The following SEL1L3 variants were observed in gnomAD, a reference collection of about 807,000 sequenced individuals.
SEL1L3 encodes the protein SEL1L family member 3.
In SEL1L3, 76 loss-of-function variants were observed where a neutral mutation model predicts 142.8. The observed-to-expected ratio is 0.53, with a 90% confidence interval of 0.44 to 0.64. SEL1L3 has a LOEUF of 0.64. Among genes scored for constraint, SEL1L3 ranks in the 30% least tolerant of loss-of-function variants. The probability of loss-of-function intolerance (pLI) is 0.00; values close to 1 mark genes in which losing one functional copy is unlikely to be tolerated. For synonymous variants in SEL1L3, 504 were observed against 519.6 expected, an observed-to-expected ratio of 0.97 and a Z score of 0.41; for missense variants, 1,262 against 1,381.7, an observed-to-expected ratio of 0.91 and a Z score of 1.37.
the SEL1L3 span, among the ~76,000 whole-genome samples, chr4:25,728,303 A>G: frequency 6.6e-6 from 1 of 152,052 alleles, no homozygotes; most frequent in Non-Finnish European, 1.5e-5. Flanking sequence ...CTGGCTTTCT[A>G]TTTGCAAAGT....
chr4:25,782,317 C>T lies in SEL1L3; in HGVS notation c.2382G>A (p.Gly794=). The change falls in exon 15 of 24, where the codon GGG becomes GGA. Residue 794 remains glycine (G), a synonymous_variant. Transcript: ENST00000399878. The part of the protein sequence containing the change: ...AKYWLKAEEM[G]NPDASYNLGV... ...CAAGATTGTATGACGCATCTGGGTT[C>T]CCCATTTCTTCTGCTTTTAACCAGT... 6.2e-7 allele frequency: 1 copy of T among 1,613,886 alleles called. No homozygotes were observed. Among genetic ancestry groups the T allele is most frequent in the Non-Finnish European group, 8.5e-7 (1 of 1,179,768 alleles).
At chr4:25,768,428 T>C (rs1043888513) in intron 17 of SEL1L3, among the ~76,000 whole-genome samples, 6 of 152,190 alleles carry the variant, frequency 3.9e-5, no homozygotes, top group Non-Finnish European at 2.9e-5. Flanking sequence ...ACAAGATTCA[T>C]ATTTGGAATA....
chr4:25,828,442 T>C (rs1028316713), intron 6 of SEL1L3, among the ~76,000 whole-genome samples: 19 of 150,892 alleles, frequency 1.3e-4, no homozygotes, highest in African/African-American at 4.4e-4. Flanking sequence ...GCTGGAGTGC[T>C]GTGGTGGGAT....
In SEL1L3 at chr4:25,847,584, AC is replaced by A; in HGVS notation, c.442del (p.Val148Ter). 1 of 1,613,986 alleles carries A rather than the reference AC, an allele frequency of 6.2e-7. No individual in the cohort carries two copies. On this transcript the variant is annotated frameshift_variant, in exon 2 of 24. Transcript: ENST00000399878. LOFTEE classifies it high-confidence loss of function. The part of the protein sequence containing the change: ...LHTSRTQIVH[V>X]KFPSIMVYRD... ...GTAAACCATAATGCTTGGAAATTTC[AC>A]ATGTACTATTTGTGTCCTGCTGGTG...
chr4:25,810,383 C>T (rs1713939926), intron 9 of SEL1L3, among the ~76,000 whole-genome samples: 2 of 152,204 alleles, frequency 1.3e-5, no homozygotes, highest in African/African-American at 4.8e-5. Flanking sequence ...CAGCCTCTCA[C>T]CAGCCCAGTC....
intron 5 of SEL1L3, 118 bp from the exon 6 acceptor site, chr4:25,830,274 C>A: frequency 1.7e-6 from 1 of 599,826 alleles, no homozygotes; most frequent in Non-Finnish European, 2.9e-6. Flanking sequence ...TGATCAGTTT[C>A]TGCAAAAATA....
At chr4:25,852,673 A>G (rs1381922882) in intron 1 of SEL1L3, among the ~76,000 whole-genome samples, 1 of 152,218 alleles carries the variant, frequency 6.6e-6, no homozygotes, top group Admixed American at 6.5e-5. Flanking sequence ...TTATTTTGTG[A>G]GACAAAGGGC....
chr4:25,797,320 C>T (rs1712841444), intron 11 of SEL1L3, among the ~76,000 whole-genome samples: 1 of 152,172 alleles, frequency 6.6e-6, no homozygotes, highest in African/African-American at 2.4e-5. Flanking sequence ...GCTGGAGGAA[C>T]AGGCAGTTGT....
At chr4:25,721,263 C>T in the SEL1L3 span, among the ~76,000 whole-genome samples, 2 of 151,488 alleles carry the variant, frequency 1.3e-5, no homozygotes, top group African/African-American at 4.9e-5. Flanking sequence ...TGATAAGGAG[C>T]TGCTAATTAA....
intron 23 of SEL1L3, among the ~76,000 whole-genome samples, chr4:25,750,234 C>CAAAAAAAAAAAAA (rs10718046): frequency 9.5e-6 from 1 of 105,090 alleles, no homozygotes. Flanking sequence ...GACTCCATCT[C>CAAAAAAAAAAAAA]AAAAAAAAAA....
At chr4:25,735,067 T>C in the SEL1L3 span, among the ~76,000 whole-genome samples, 2 of 152,180 alleles carry the variant, frequency 1.3e-5, no homozygotes, top group Non-Finnish European at 2.9e-5. Flanking sequence ...GTACAGTTAG[T>C]ATTATATTTT....
At chr4:25,831,629 G>A (rs1479828996) in intron 5 of SEL1L3, among the ~76,000 whole-genome samples, 1 of 151,270 alleles carries the variant, frequency 6.6e-6, no homozygotes, top group Non-Finnish European at 1.5e-5. Context: ...GGATTCAAGC[G>A]AGTCTCCTGC....
In SEL1L3 at chr4:25,804,760, T is replaced by G. The variant is rs955837284; in HGVS notation, c.1565-8A>C. 7 of 1,586,856 alleles carry G rather than the reference T, an allele frequency of 4.4e-6. No individual in the cohort carries two copies. The highest frequency in any genetic ancestry group is 6.1e-6 in the Non-Finnish European group (7 of 1,156,142). ...CATTTTGGTTCCTTGGCACTGTAAA[T>G]AACACAATTCAGAGCACACACAATT... On this transcript the variant is annotated splice_region_variant and splice_polypyrimidine_tract_variant and intron_variant, in intron 9 of 23. Coordinates refer to ENST00000399878, the MANE Select transcript of SEL1L3 (RefSeq NM_015187.5).
At chr4:25,816,427 G>A (rs1191233824) in intron 9 of SEL1L3, among the ~76,000 whole-genome samples, 1 of 152,082 alleles carries the variant, frequency 6.6e-6, no homozygotes, top group East Asian at 1.9e-4. Flanking sequence ...GCAGCCTCCT[G>A]CCTACTTGTC....
At chr4:25,726,930 G>A in the SEL1L3 span, among the ~76,000 whole-genome samples, 1 of 152,106 alleles carries the variant, frequency 6.6e-6, no homozygotes, top group East Asian at 1.9e-4. Flanking sequence ...TGCCAGGTTT[G>A]GTTTCTTCTG....
chr4:25,797,425 C>T (rs1158970352), intron 11 of SEL1L3, among the ~76,000 whole-genome samples: 1 of 152,158 alleles, frequency 6.6e-6, no homozygotes, highest in Non-Finnish European at 1.5e-5. Flanking sequence ...TAATGTTAGG[C>T]TCCCAGTAGG....
chr4:25,781,413 G>T (rs948165052), intron 15 of SEL1L3, among the ~76,000 whole-genome samples: 4 of 151,834 alleles, frequency 2.6e-5, no homozygotes, highest in Non-Finnish European at 5.9e-5. Flanking sequence ...GGAGGTGGGC[G>T]GATCACTTGA....
At chr4:25,802,517 T>C in intron 10 of SEL1L3, 55 bp from the exon 11 acceptor site, 1 of 1,461,316 alleles carries the variant, frequency 6.8e-7, no homozygotes, top group South Asian at 1.2e-5. Context: ...GGTCATAAAA[T>C]CCTAACACTG....
At chr4:25,817,539 A>G (rs1577651391) in intron 9 of SEL1L3, among the ~76,000 whole-genome samples, 1 of 152,328 alleles carries the variant, frequency 6.6e-6, no homozygotes, top group East Asian at 1.9e-4. Context: ...TCCTGAGATG[A>G]TGCTTAAAGT....
Sources: allele counts gnomAD v4.1 joint callset (sites outside exome capture counted in the v4.1 genomes callset), GRCh38; gene constraint gnomAD v4.1.1; transcripts MANE v1.5; gene names NCBI Gene and HGNC (gene_info 2026-07-23, HGNC 2026-07-21).